The following WIZ variants were observed in gnomAD, a reference collection of about 807,000 sequenced individuals.
WIZ encodes the protein protein Wiz.
A neutral mutation model predicts 140.2 loss-of-function variants in WIZ; 25 were observed. The observed-to-expected ratio is 0.18, with a 90% CI of 0.13 to 0.25. The LOEUF (loss-of-function observed/expected upper bound fraction) is 0.25. Among genes scored for constraint, WIZ ranks in the 10% least tolerant of loss-of-function variants. The pLI, the probability that WIZ is intolerant of heterozygous loss-of-function variation, is 1.00. For missense variants in WIZ, 2,231 were observed against 2,632.6 expected, an observed-to-expected ratio of 0.85 and a Z score of 3.34; for synonymous variants, 1,125 against 1,154.3, an observed-to-expected ratio of 0.97 and a Z score of 0.51.
chr19:15,444,768 G>C (rs544813893), intron 2 of WIZ, among the ~76,000 whole-genome samples: 6 of 152,336 alleles, frequency 3.9e-5, no homozygotes, highest in African/African-American at 1.2e-4. Flanking sequence ...GGAGAGGGCA[G>C]CCGGTTCACA....
intron 2 of WIZ, among the ~76,000 whole-genome samples, chr19:15,446,245 G>A (rs1027957225): frequency 2.0e-5 from 3 of 152,140 alleles, no homozygotes; most frequent in African/African-American, 7.2e-5. Context: ...CTACCTGCCT[G>A]CTTTTCCCCT....
chr19:15,427,152 C>T lies in WIZ; in HGVS notation c.4196G>A (p.Arg1399Gln), dbSNP rs1372364515. Reference sequence around the variant, plus strand: ...TGCAGCCAGGCCTGGGAACATCTTTCGGGCCGTAGGAGGAGGAGAGGCAGT... The same window carrying T: ...TGCAGCCAGGCCTGGGAACATCTTTTGGGCCGTAGGAGGAGGAGAGGCAGT... ...SPTASPPPTA[R>Q]KMFPGLAAPS... Residue 1399 changes from arginine to glutamine, a missense_variant, in exon 9 of 13, where the codon CGA (arginine) becomes CAA (glutamine). By Grantham distance (43) the Arg-to-Gln change is conservative (BLOSUM62 1). Coordinates refer to ENST00000673675, the MANE Select transcript of WIZ (RefSeq NM_001371589.1). This position sits in a 1 kb window ranked among gnomAD's most constrained non-coding sequence, Gnocchi z 6.4. 9.9e-6 allele frequency: 16 copies of T among 1,614,060 alleles called. No homozygotes were observed. The highest frequency in any genetic ancestry group is 2.7e-5 in the African/African-American group (2 of 74,930).
In WIZ at chr19:15,423,091, C is replaced by T. The variant is rs573562201; in HGVS notation, c.5655G>A (p.Ala1885=). Reference sequence around the variant, plus strand: ...TGCTTTTGTGTTAGGGAGCCTCTGCCGCCGCTGTCTGTGCCTGCGGGGCCT... The same window carrying T: ...TGCTTTTGTGTTAGGGAGCCTCTGCTGCCGCTGTCTGTGCCTGCGGGGCCT... The part of the protein sequence containing the change: ...ESQAPQAQTA[A]AEAP The change falls in exon 13 of 13, where the codon GCG becomes GCA. Residue 1885 remains alanine (A), a synonymous_variant. Transcript: ENST00000673675. The T allele has an allele frequency of 3.8e-5, 61 of 1,611,584 alleles. 1 individual carries two copies. Among genetic ancestry groups the T allele is most frequent in the East Asian group, 2.7e-4 (12 of 44,862 alleles).
chr19:15,429,948 T>C lies in WIZ; in HGVS notation c.3053A>G (p.Glu1018Gly). The C allele has an allele frequency of 1.3e-6, 2 of 1,535,864 alleles. No individual in the cohort carries two copies. The highest frequency in any genetic ancestry group is 1.7e-6 in the Non-Finnish European group (2 of 1,146,794). Residue 1018 changes from glutamate to glycine, a missense_variant, in exon 7 of 13, where the codon GAG becomes GGG. Around this residue, in one of 15 missense-constraint regions of WIZ, gnomAD observed 163 missense variants for 166.8 expected, o/e 0.98. Transcript: ENST00000673675. Reference protein sequence around the residue: ...SSGAPIDLLYELVKQKGLPDA... With the variant: ...SSGAPIDLLYGLVKQKGLPDA... ...AGGCAGACCCTTCTGCTTCACAAGC[T>C]CGTAGAGGAGGTCGATGGGTGCGCC... is the stretch of plus-strand genomic sequence containing the variant.
At position 15,424,546 on chromosome 19, in the gene WIZ, G is replaced by C. The variant is rs896434521; in HGVS notation, c.5314+67C>G. 9 of 1,536,596 alleles carry C rather than the reference G, an allele frequency of 5.9e-6. No homozygotes were observed. Among genetic ancestry groups the C allele is most frequent in the South Asian group, 1.2e-5 (1 of 81,090 alleles). On this transcript the variant is annotated intron_variant, in intron 11 of 12. Coordinates refer to ENST00000673675, the MANE Select transcript of WIZ (RefSeq NM_001371589.1). This position sits in a 1 kb window ranked among gnomAD's most constrained non-coding sequence, Gnocchi z 9.7. ...ACTTAAGGGCCACAGCAGAGCGCCT[G>C]GGGAGTGGCTGGGTGGGCCTGACAG...
Position 15,425,548 on chromosome 19 carries a change from G to C in WIZ, c.4587C>G (p.Ala1529=). ...GAGGCCCGTCCTCAGCCAGGGCAGGGGCCAGGTCTCCAGCCGGTGGCTCCT... is the reference window on the plus strand; with the variant it reads ...GAGGCCCGTCCTCAGCCAGGGCAGGCGCCAGGTCTCCAGCCGGTGGCTCCT... ...IKKEPPAGDL[A]PALAEDGPPT... Residue 1529 remains alanine, a synonymous_variant, in exon 10 of 13, where the codon GCC becomes GCG. Coordinates refer to ENST00000673675, the MANE Select transcript of WIZ (RefSeq NM_001371589.1). The C allele has an allele frequency of 1.2e-6, 2 of 1,612,748 alleles. No homozygotes were observed. The highest frequency in any genetic ancestry group is 1.1e-5 in the South Asian group (1 of 91,060).
intron 5 of WIZ, chr19:15,432,516 T>TGGTGGTGGCGGC (rs1248658935): frequency 9.2e-6 from 5 of 541,076 alleles, no homozygotes; most frequent in African/African-American, 2.9e-5. Flanking sequence ...GCGGTGGCGG[T>TGGTGGTGGCGGC]GGTGGTGGCG....
At position 15,425,759 on chromosome 19, in the gene WIZ, G is replaced by A; in HGVS notation, c.4376C>T (p.Ala1459Val). Residue 1459 changes from alanine (A) to valine (V), a missense_variant, in exon 10 of 13, where the codon GCA (alanine) becomes GTA (valine). Physicochemically the swap from Ala to Val is moderately conservative, Grantham distance 64. Around this residue, in one of 15 missense-constraint regions of WIZ, gnomAD observed 393 missense variants for 451.7 expected, o/e 0.87. Transcript: ENST00000673675. The stretch of plus-strand genomic sequence containing the variant: ...ACAGCGGATGTCGCGCACCGGCTCT[G>A]CCCGGGACGCTGCAGGGGATCCAGG... ...DMTPLNLSSR[A>V]EPVRDIRCEF... The A allele has an allele frequency of 6.3e-7, 1 of 1,582,392 alleles. No individual in the cohort carries two copies. Among genetic ancestry groups the A allele is most frequent in the Non-Finnish European group, 8.6e-7 (1 of 1,163,768 alleles).
chr19:15,448,418 C>T, intron 1 of WIZ, 51 bp from the exon 2 acceptor site: 1 of 1,335,728 alleles, frequency 7.5e-7, no homozygotes, highest in Non-Finnish European at 1.0e-6. Flanking sequence ...AGGGAATCTG[C>T]CTCAGTTTCC....
chr19:15,438,936 GA>G lies in WIZ; in HGVS notation c.2057del (p.Leu686ProfsTer59), dbSNP rs1568309213. On this transcript the variant is annotated frameshift_variant, in exon 4 of 13. Transcript: ENST00000673675. LOFTEE classifies it high-confidence loss of function. ...QQLRGMVPIVLVAKLGPQVMA... is the reference protein window; with the variant it reads ...QQLRGMVPIVXVAKLGPQVMA... Reference sequence around the variant, plus strand: ...TGACCTGCGGCCCCAGCTTCGCCACGAGCACAATGGGTACCATCCCTCGGAG... The same window carrying G: ...TGACCTGCGGCCCCAGCTTCGCCACGGCACAATGGGTACCATCCCTCGGAG... The G allele has an allele frequency of 6.9e-7, 1 of 1,445,950 alleles. No individual in the cohort carries two copies. Among genetic ancestry groups the G allele is most frequent in the Non-Finnish European group, 9.1e-7 (1 of 1,100,900 alleles). The allele number at this position is 1,445,950 out of a possible 1,614,324, so 89.6% of individuals were successfully genotyped here. A position where few individuals can be genotyped will look rare whatever the true frequency, so the allele number is the denominator to read the frequency against.
chr19:15,426,444 A>G (rs1968827226), intron 9 of WIZ, among the ~76,000 whole-genome samples: 1 of 152,186 alleles, frequency 6.6e-6, no homozygotes, highest in Non-Finnish European at 1.5e-5. Context: ...GCTTTATCCC[A>G]CTTAATCCTC....
rs1029698109 is a variant in WIZ, at chr19:15,424,754, C to T, written c.5173G>A (p.Gly1725Ser). 1.3e-6 allele frequency: 2 copies of T among 1,571,988 alleles called. No individual in the cohort carries two copies. Among genetic ancestry groups the T allele is most frequent in the African/African-American group, 2.7e-5 (2 of 74,040 alleles). Reference protein sequence around the residue: ...KRPSLGLAPGGLAVVGRSAGG... With the variant: ...KRPSLGLAPGSLAVVGRSAGG... ...GCACTGCGGCCGACCACGGCCAGGC[C>T]CCCGGGTGCCAGCCCCAGGGACGGC... is the stretch of plus-strand genomic sequence containing the variant. Residue 1725 changes from glycine to serine, a missense_variant, in exon 11 of 13, where the codon GGC (glycine) becomes AGC (serine). By Grantham distance (56) the Gly-to-Ser change is moderately conservative. Coordinates refer to ENST00000673675, the MANE Select transcript of WIZ (RefSeq NM_001371589.1). The surrounding 1 kb of genome is among the most constrained non-coding windows in gnomAD (Gnocchi z 9.7).
At chr19:15,431,649 AG>A (rs1158385397) in intron 5 of WIZ, among the ~76,000 whole-genome samples, 1 of 152,230 alleles carries the variant, frequency 6.6e-6, no homozygotes, top group Non-Finnish European at 1.5e-5. Context: ...AGCACTTGTG[AG>A]GAATCTCCAC....
intron 2 of WIZ, among the ~76,000 whole-genome samples, chr19:15,447,638 T>G (rs1021463266): frequency 1.3e-5 from 2 of 152,026 alleles, no homozygotes; most frequent in Non-Finnish European, 2.9e-5. Context: ...AACCAAGGGG[T>G]AGCCAGCATC....
chr19:15,438,299 C>G (rs543277403), intron 4 of WIZ, among the ~76,000 whole-genome samples: 1 of 152,338 alleles, frequency 6.6e-6, no homozygotes, highest in South Asian at 2.1e-4. Flanking sequence ...CAGAGGGGAA[C>G]CTTGCTCAGT....
chr19:15,432,533 GC>G, intron 5 of WIZ: 1 of 794,048 alleles, frequency 1.3e-6, no homozygotes, highest in Non-Finnish European at 1.5e-6. Context: ...GGCGGCGGCG[GC>G]GGGGGTGGGG....
intron 5 of WIZ, among the ~76,000 whole-genome samples, chr19:15,431,999 T>TA (rs1381113124): frequency 6.6e-6 from 1 of 152,148 alleles, no homozygotes; most frequent in Non-Finnish European, 1.5e-5. Context: ...CAGTGGGATG[T>TA]AACGGGGCAG....
At position 15,442,583 on chromosome 19, in the gene WIZ, C is replaced by A; in HGVS notation, c.278+93G>T. ...GCCTGGCCTCCTGATTCCCTCCTGT[C>A]CCCTTCTCATTCCCCAGGGGCTTAT... On this transcript the variant is annotated intron_variant, in intron 3 of 12. Transcript: ENST00000673675. This position sits in a 1 kb window ranked among gnomAD's most constrained non-coding sequence, Gnocchi z 5.5. The A allele has an allele frequency of 1.0e-6, 1 of 991,272 alleles. No homozygotes were observed. Among genetic ancestry groups the A allele is most frequent in the Non-Finnish European group, 1.3e-6 (1 of 768,040 alleles). The allele number at this position is 991,272 out of a possible 1,614,324, so 61.4% of individuals were successfully genotyped here. A position where few individuals can be genotyped will look rare whatever the true frequency, so the allele number is the denominator to read the frequency against.
intron 5 of WIZ, chr19:15,436,549 T>C (rs556855404): frequency 4.3e-6 from 2 of 461,242 alleles, no homozygotes; most frequent in African/African-American, 2.0e-5. Context: ...AAAAGCTCAG[T>C]AAGCATTTGT....
Sources: gnomAD v4.1 joint callset for allele counts (sites outside exome capture counted in the v4.1 genomes callset) on GRCh38, gnomAD v4.1.1 for gene constraint, gnomAD v4.1.1 regional missense constraint, Gnocchi (gnomAD v3.1) non-coding constraint, MANE v1.5 for transcripts, NCBI Gene and HGNC (gene_info 2026-07-23, HGNC 2026-07-21) for gene names.